NAV2: variants seen among roughly 807,000 people sequenced by gnomAD.
The protein encoded by NAV2 is neuron navigator 2.
NAV2 carries 54 observed loss-of-function variants against 223.2 expected under a neutral mutation model. The ratio of observed to expected loss-of-function variants is 0.24; its 90% CI spans 0.19 to 0.30. The LOEUF (loss-of-function observed/expected upper bound fraction) is 0.30. Ranked by LOEUF, NAV2 falls within the 10% of genes least tolerant of loss-of-function variation. NAV2 has a pLI of 1.00. For synonymous variants in NAV2, 1,279 were observed against 1,239.3 expected, an observed-to-expected ratio of 1.03 and a Z score of -0.67; for missense variants, 2,806 against 3,147.5, an observed-to-expected ratio of 0.89 and a Z score of 2.60.
At chr11:19,728,433 C>T (rs1451071213) in intron 1 of NAV2, among the ~76,000 whole-genome samples, 2 of 152,238 alleles carry the variant, frequency 1.3e-5, no homozygotes, top group Non-Finnish European at 2.9e-5. Flanking sequence ...GATTCTGATG[C>T]ACACCCTGGG....
intron 1 of NAV2, among the ~76,000 whole-genome samples, chr11:19,595,733 A>ATTTTT (rs1565085036): frequency 1.3e-5 from 2 of 150,936 alleles, no homozygotes; most frequent in African/African-American, 4.9e-5. Flanking sequence ...AAAAAAAAAA[A>ATTTTT]ATTTTTTTTT....
At chr11:19,841,721 A>C (rs78928840) in intron 2 of NAV2, among the ~76,000 whole-genome samples, 3 of 152,328 alleles carry the variant, frequency 2.0e-5, no homozygotes, top group African/African-American at 7.2e-5. Context: ...TAAAGGTTTC[A>C]AGAGGAAGCT....
intron 10 of NAV2, among the ~76,000 whole-genome samples, chr11:19,963,978 A>G (rs993586711): frequency 3.9e-5 from 6 of 152,170 alleles, no homozygotes; most frequent in African/African-American, 1.4e-4. Context: ...TTCTCTGAGG[A>G]AATTCCACTC....
At chr11:19,850,801 T>C (rs887355373) in intron 3 of NAV2, among the ~76,000 whole-genome samples, 1 of 152,228 alleles carries the variant, frequency 6.6e-6, no homozygotes, top group African/African-American at 2.4e-5. Context: ...AAAATGATGA[T>C]AAGGTACTGT....
At chr11:19,631,710 A>G (rs2047351944) in intron 1 of NAV2, among the ~76,000 whole-genome samples, 1 of 152,202 alleles carries the variant, frequency 6.6e-6, no homozygotes, top group South Asian at 2.1e-4. Context: ...TGTGGCACCT[A>G]GAAGGCACCC....
chr11:19,657,570 A>T (rs543009170), intron 1 of NAV2, among the ~76,000 whole-genome samples: 1 of 152,236 alleles, frequency 6.6e-6, no homozygotes, highest in East Asian at 1.9e-4. Context: ...CACTTCCTTC[A>T]GCTTTCTGAA....
At chr11:19,949,758 T>G (rs1176303892) in intron 10 of NAV2, among the ~76,000 whole-genome samples, 1 of 152,220 alleles carries the variant, frequency 6.6e-6, no homozygotes, top group African/African-American at 2.4e-5. Flanking sequence ...CCCCTCCTAC[T>G]TGCAGCAGTA....
chr11:19,816,694 G>A lies in NAV2; in HGVS notation c.268-15790G>A, dbSNP rs561853041. 1.6e-4 allele frequency among the ~76,000 whole-genome samples: 24 copies of A among 152,244 alleles called. 1 individual carries two copies. Among genetic ancestry groups the A allele is most frequent in the Middle Eastern group, 3.4e-3 (1 of 294 alleles). On this transcript the variant is annotated intron_variant, in intron 1 of 37. Coordinates refer to ENST00000349880, the MANE Select transcript of NAV2 (RefSeq NM_145117.5). ...AGAATAACATCAACACAGAATATCC[G>A]CCCTCCTAAGCAAAAGCTTCCAGGG...
intron 3 of NAV2, among the ~76,000 whole-genome samples, chr11:19,867,013 G>T (rs2062135489): frequency 6.6e-6 from 1 of 152,132 alleles, no homozygotes; most frequent in South Asian, 2.1e-4. Flanking sequence ...TTAAATACTA[G>T]TGTCTCTTTT....
Position 19,846,239 on chromosome 11 carries a change from TACAA to T in NAV2, c.438+3321_438+3324del, listed in dbSNP as rs1055305775. Among the ~76,000 whole-genome samples the T allele has an allele frequency of 3.9e-5, 6 of 152,332 alleles. No homozygotes were observed. In the East Asian group the frequency reaches 9.6e-4, roughly 24 times the overall value. ...TCATGGATCCCACAGAGGAAGGTTT[TACAA>T]ACAATCATCCATTGATTGTACCAAA... is the stretch of plus-strand genomic sequence containing the variant. On this transcript the variant is annotated intron_variant, in intron 3 of 37. Coordinates refer to ENST00000349880, the MANE Select transcript of NAV2 (RefSeq NM_145117.5).
At chr11:20,065,167 T>C (rs1447100158) in intron 20 of NAV2, among the ~76,000 whole-genome samples, 1 of 152,230 alleles carries the variant, frequency 6.6e-6, no homozygotes, top group Non-Finnish European at 1.5e-5. Flanking sequence ...TATTACATTC[T>C]TCGTGATAAT....
At chr11:20,066,795 C>T (rs1418764205) in intron 20 of NAV2, among the ~76,000 whole-genome samples, 1 of 152,088 alleles carries the variant, frequency 6.6e-6, no homozygotes, top group East Asian at 1.9e-4. Flanking sequence ...TAGCGAGGAC[C>T]CAAGGACAAA....
intron 1 of NAV2, among the ~76,000 whole-genome samples, chr11:19,584,430 G>T (rs1239189690): frequency 3.3e-5 from 5 of 152,088 alleles, no homozygotes; most frequent in South Asian, 2.1e-4. Flanking sequence ...GCTTTTGAAT[G>T]TGTTTGCTCT....
At chr11:19,358,322 G>T (rs1311118943) in intron 1 of NAV2, among the ~76,000 whole-genome samples, 1 of 152,152 alleles carries the variant, frequency 6.6e-6, no homozygotes, top group Non-Finnish European at 1.5e-5. Context: ...GGAAGCAGAG[G>T]CAAATATGGG....
At chr11:19,430,293 A>G (rs2133587648) in intron 1 of NAV2, among the ~76,000 whole-genome samples, 1 of 152,264 alleles carries the variant, frequency 6.6e-6, no homozygotes, top group East Asian at 1.9e-4. Flanking sequence ...CAGCTCTTCC[A>G]TGGAGTATGT....
chr11:19,521,959 T>C (rs572588752), intron 1 of NAV2, among the ~76,000 whole-genome samples: 12 of 152,026 alleles, frequency 7.9e-5, no homozygotes, highest in African/African-American at 2.9e-4. Context: ...AAAACTGGGG[T>C]TTTAGAGTTT....
intron 1 of NAV2, among the ~76,000 whole-genome samples, chr11:19,637,623 C>T (rs1439406174): frequency 1.3e-5 from 2 of 152,232 alleles, no homozygotes; most frequent in African/African-American, 2.4e-5. Flanking sequence ...AGCTTTTACT[C>T]ATGCAGAAGG....
chr11:19,904,927 T>C (rs913861187), intron 6 of NAV2, among the ~76,000 whole-genome samples: 5 of 152,180 alleles, frequency 3.3e-5, no homozygotes, highest in African/African-American at 1.2e-4. Context: ...AGCATTTAAT[T>C]ACCCCAGGCA....
chr11:19,703,631 G>A (rs2049576170), intron 1 of NAV2, among the ~76,000 whole-genome samples: 1 of 152,198 alleles, frequency 6.6e-6, no homozygotes, highest in African/African-American at 2.4e-5. Context: ...CTGTCAAAAA[G>A]GAAATCTCAC....
Sources: gnomAD v4.1 joint callset for allele counts (sites outside exome capture counted in the v4.1 genomes callset) on GRCh38, gnomAD v4.1.1 for gene constraint, MANE v1.5 for transcripts, NCBI Gene and HGNC (gene_info 2026-07-23, HGNC 2026-07-21) for gene names.